The following CD99 variants were observed in gnomAD, a reference collection of about 807,000 sequenced individuals.
CD99 encodes CD99 molecule (Xg blood group).
A neutral mutation model predicts 28.4 loss-of-function variants in CD99; 19 were observed. The observed-to-expected ratio is 0.67, with a 90% CI of 0.47 to 0.98. CD99 has a LOEUF of 0.98. Ranked by LOEUF, CD99 falls within the 50% of genes least tolerant of loss-of-function variation. The pLI, the probability that CD99 is intolerant of heterozygous loss-of-function variation, is 0.00. For synonymous variants in CD99, 103 were observed against 92.1 expected, an observed-to-expected ratio of 1.12 and a Z score of -0.67; for missense variants, 283 against 248.8, an observed-to-expected ratio of 1.14 and a Z score of -0.92.
At chrX:2,701,808 G>A (rs2047877405) in intron 1 of CD99, among the ~76,000 whole-genome samples, 1 of 152,236 alleles carries the variant, frequency 6.6e-6, no homozygotes, top group South Asian at 2.1e-4. Flanking sequence ...GAACAGGTGG[G>A]AGGGGCTGGG....
rs994988738 is a variant in CD99, at chrX:2,736,109, A to G, written c.476-2091A>G. Among the ~76,000 whole-genome samples, 24 of 151,556 alleles carry G rather than the reference A, an allele frequency of 1.6e-4. No individual in the cohort carries two copies. In the South Asian group the frequency reaches 2.9e-3, roughly 19 times the overall value. On this transcript the variant is annotated intron_variant, in intron 8 of 9. Transcript: ENST00000381192. Reference sequence around the variant, plus strand: ...CCCAGCTACTCGGGAGGCTGAGGCAAGAGAATGGCGTGAACCCTGGAGGCG... The same window carrying G: ...CCCAGCTACTCGGGAGGCTGAGGCAGGAGAATGGCGTGAACCCTGGAGGCG...
At chrX:2,701,836 G>A (rs1380288933) in intron 1 of CD99, among the ~76,000 whole-genome samples, 1 of 152,222 alleles carries the variant, frequency 6.6e-6, no homozygotes, top group Non-Finnish European at 1.5e-5. Context: ...TTGGCAGAGC[G>A]TGGATAAGTC....
Position 2,691,332 on chromosome X carries a change from G to A in CD99, c.-29G>A. On this transcript the variant is annotated 5_prime_UTR_variant, in exon 1 of 10. Transcript: ENST00000381192. ...GCCTTCGCCCACGCCCTGCACTCCGGGACCGTCCCTGCGCGCTCTGGGCGC... is the reference window on the plus strand; with the variant it reads ...GCCTTCGCCCACGCCCTGCACTCCGAGACCGTCCCTGCGCGCTCTGGGCGC... 6.5e-7 allele frequency: 1 copy of A among 1,537,168 alleles called. No individual in the cohort carries two copies.
intron 2 of CD99, among the ~76,000 whole-genome samples, chrX:2,717,202 G>A (rs2048766730): frequency 1.3e-5 from 2 of 152,054 alleles, no homozygotes; most frequent in Non-Finnish European, 2.9e-5. Flanking sequence ...CAAAAAATTA[G>A]CCGGGAGTGA....
intron 8 of CD99, among the ~76,000 whole-genome samples, chrX:2,731,964 A>G (rs1210426438): frequency 7.6e-6 from 1 of 131,448 alleles, no homozygotes; most frequent in Non-Finnish European, 1.7e-5. Context: ...GTGTCTACAA[A>G]AAACGTAAAA....
At chrX:2,722,899 C>A (rs1603283856) in intron 6 of CD99, among the ~76,000 whole-genome samples, 1 of 152,182 alleles carries the variant, frequency 6.6e-6, no homozygotes, top group African/African-American at 2.4e-5. Flanking sequence ...AGGGCCCAGG[C>A]AGCTGCCCCA....
At chrX:2,732,838 A>G (rs2049727197) in intron 8 of CD99, among the ~76,000 whole-genome samples, 2 of 110,208 alleles carry the variant, frequency 1.8e-5, no homozygotes, top group Admixed American at 2.2e-4. Flanking sequence ...GTCTCTCTTC[A>G]TCCATCTCTC....
intron 1 of CD99, among the ~76,000 whole-genome samples, chrX:2,709,823 GC>G (rs2048318214): frequency 6.6e-6 from 1 of 152,246 alleles, no homozygotes; most frequent in African/African-American, 2.4e-5. Context: ...CACATGAAGA[GC>G]TGTTGAATGC....
chrX:2,727,616 A>T (rs1302252348), intron 8 of CD99, among the ~76,000 whole-genome samples: 1 of 152,116 alleles, frequency 6.6e-6, no homozygotes, highest in Non-Finnish European at 1.5e-5. Flanking sequence ...AGCTGGGATT[A>T]TAGGCACCCG....
Position 2,714,412 on chromosome X carries a change from T to G in CD99, c.68-10T>G. The G allele has an allele frequency of 1.3e-6, 2 of 1,580,264 alleles. No homozygotes were observed. The highest frequency in any genetic ancestry group is 1.7e-6 in the Non-Finnish European group (2 of 1,155,296). ...CTTGTTTCTAAGTTGACTCTTTTTT[T>G]CTCTCTTAGATGGTGGTTTCGATTT... On this transcript the variant is annotated splice_polypyrimidine_tract_variant and intron_variant, in intron 1 of 9. Transcript: ENST00000381192.
chrX:2,718,410 C>T (rs2048842111), intron 3 of CD99, among the ~76,000 whole-genome samples: 4 of 151,492 alleles, frequency 2.6e-5, no homozygotes, highest in African/African-American at 7.3e-5. Context: ...GCTCTGTCGC[C>T]CAGGCTGGAG....
intron 8 of CD99, chrX:2,737,934 T>C: frequency 1.5e-6 from 1 of 682,210 alleles, no homozygotes; most frequent in Non-Finnish European, 2.7e-6. Flanking sequence ...AAGCAACCCT[T>C]AAAATAGAGG....
At chrX:2,726,200 C>T in intron 7 of CD99, 60 bp from the exon 8 acceptor site, 3 of 1,036,106 alleles carry the variant, frequency 2.9e-6, no homozygotes, top group Non-Finnish European at 4.5e-6. Flanking sequence ...CCACTGCCCC[C>T]TGGGATCTTC....
At chrX:2,711,362 A>G (rs1444492058) in intron 1 of CD99, among the ~76,000 whole-genome samples, 2 of 149,364 alleles carry the variant, frequency 1.3e-5, no homozygotes, top group East Asian at 1.9e-4. Flanking sequence ...TAGTATGTGT[A>G]TATACAGTAT....
At chrX:2,731,695 G>A (rs1230759465) in intron 8 of CD99, among the ~76,000 whole-genome samples, 3 of 152,194 alleles carry the variant, frequency 2.0e-5, no homozygotes, top group Non-Finnish European at 2.9e-5. Flanking sequence ...AATCTGTGGT[G>A]TTTGTTAAAT....
Position 2,723,168 on chromosome X carries a change from A to G in CD99, c.311-146A>G, listed in dbSNP as rs2049085523. 1.2e-5 allele frequency: 10 copies of G among 800,818 alleles called. No homozygotes were observed. In the South Asian group the frequency reaches 1.5e-4, roughly 12 times the overall value. The allele number at this position is 800,818 out of a possible 1,614,324, so 49.6% of individuals were successfully genotyped here. A position where few individuals can be genotyped will look rare whatever the true frequency, so the allele number is the denominator to read the frequency against. On this transcript the variant is annotated intron_variant, in intron 6 of 9. Transcript: ENST00000381192. Reference sequence around the variant, plus strand: ...TGTGTAACATGCACCCTTAGAGTGTAATAGGCAGGACCCCAGCTCTGTAGC... The same window carrying G: ...TGTGTAACATGCACCCTTAGAGTGTGATAGGCAGGACCCCAGCTCTGTAGC...
intron 8 of CD99, among the ~76,000 whole-genome samples, chrX:2,734,040 C>G (rs2049810843): frequency 6.6e-6 from 1 of 152,156 alleles, no homozygotes; most frequent in Non-Finnish European, 1.5e-5. Flanking sequence ...GGTCCCTATT[C>G]ACACATTTGA....
At chrX:2,712,531 T>C (rs2048456274) in intron 1 of CD99, among the ~76,000 whole-genome samples, 1 of 152,198 alleles carries the variant, frequency 6.6e-6, no homozygotes, top group South Asian at 2.1e-4. Flanking sequence ...TTATGGTTTA[T>C]TCTGGATCAG....
At chrX:2,733,602 G>C (rs1448711758) in intron 8 of CD99, 8 of 526,642 alleles carry the variant, frequency 1.5e-5, no homozygotes, top group Non-Finnish European at 2.1e-5. Context: ...TCATATTTCT[G>C]CATAAGAGCT....
Sources: gnomAD v4.1 joint callset for allele counts (sites outside exome capture counted in the v4.1 genomes callset) on GRCh38, gnomAD v4.1.1 for gene constraint, MANE v1.5 for transcripts, NCBI Gene and HGNC (gene_info 2026-07-23, HGNC 2026-07-21) for gene names.